Variants in SPRN observed in about 807,000 individuals in gnomAD.
SPRN encodes the protein hypothetical protein BC004409.
For synonymous variants in SPRN, 182 were observed against 123.4 expected, an observed-to-expected ratio of 1.48 and a Z score of -3.15; for missense variants, 312 against 241.4, an observed-to-expected ratio of 1.29 and a Z score of -1.94.
rs1850290412 is a variant in SPRN, at chr10:133,423,312, T to C, written c.370A>G (p.Thr124Ala). Residue 124 changes from threonine (T) to alanine (A), a missense_variant, in exon 2 of 2, where the codon ACT becomes GCT. Physicochemically the swap from Thr to Ala is moderately conservative, Grantham distance 58 (BLOSUM62 0). Transcript: ENST00000685335. ...GPGIYSYRAW[T>A]SGAGPTRGPR... ...CCGCGCGTGGGTCCAGCGCCCGAAG[T>C]CCACGCCCGGTAGCTGTAGATGCCG... 19 of 1,522,024 alleles carry C rather than the reference T, an allele frequency of 1.2e-5. No individual in the cohort carries two copies. Among genetic ancestry groups the C allele is most frequent in the Non-Finnish European group, 1.6e-5 (18 of 1,140,204 alleles). 94.3% of individuals were successfully genotyped at this position (1,522,024 alleles called of 1,614,324 possible).
At position 133,421,075 on chromosome 10, in the gene SPRN, C is replaced by T. The variant is rs1850224591; in HGVS notation, c.*2151G>A. 1 of 152,396 alleles carries T rather than the reference C, an allele frequency of 6.6e-6. No individual in the cohort carries two copies. The highest frequency in any genetic ancestry group is 2.4e-5 in the African/African-American group (1 of 41,472). The allele number at this position is 152,396 out of a possible 1,614,324, so 9.4% of individuals were successfully genotyped here. A position where few individuals can be genotyped will look rare whatever the true frequency, so the allele number is the denominator to read the frequency against. ...GCCAGGGACATCCTGTGCAGAAGCT[C>T]CGGCTGCCTCTTTGCGGTGGTGGCC... On this transcript the variant is annotated 3_prime_UTR_variant, in exon 2 of 2. Coordinates refer to ENST00000685335, the MANE Select transcript of SPRN (RefSeq NM_001391974.1).
intron 1 of SPRN, among the ~76,000 whole-genome samples, chr10:133,423,981 GGCCTC>G (rs1850312275): frequency 2.8e-5 from 1 of 36,174 alleles, no homozygotes; most frequent in African/African-American, 4.3e-5. Flanking sequence ...GGAGCGTTCA[GGCCTC>G]TGGGGGCGTC....
At position 133,423,286 on chromosome 10, in the gene SPRN, G is replaced by A. The variant is rs755711187; in HGVS notation, c.396C>T (p.Gly132=). Residue 132 remains glycine (G), a synonymous_variant, in exon 2 of 2, where the codon GGC becomes GGT. Transcript: ENST00000685335. The part of the protein sequence containing the change: ...AWTSGAGPTR[G]PRLCLVLGGA... ...CGCCCAGCACGAGACAGAGACGCGG[G>A]CCGCGCGTGGGTCCAGCGCCCGAAG... 239 of 1,517,672 alleles carry A rather than the reference G, an allele frequency of 1.6e-4. No individual in the cohort carries two copies. The highest frequency in any genetic ancestry group is 2.0e-4 in the Non-Finnish European group (226 of 1,138,214). 94.0% of individuals were successfully genotyped at this position (1,517,672 alleles called of 1,614,324 possible).
Position 133,423,422 on chromosome 10 carries a change from G to T in SPRN, c.260C>A (p.Ser87Ter). 7.3e-7 allele frequency: 1 copy of T among 1,377,496 alleles called. No homozygotes were observed. Among genetic ancestry groups the T allele is most frequent in the Non-Finnish European group, 9.4e-7 (1 of 1,063,108 alleles). 85.3% of individuals were successfully genotyped at this position (1,377,496 alleles called of 1,614,324 possible). A position where few individuals can be genotyped will look rare whatever the true frequency, so the allele number is the denominator to read the frequency against. ...AGAAAGLAAG[S>*]GWRRAAGPGE... The stretch of plus-strand genomic sequence containing the variant: ...GGGTCCCGCGGCCCTTCTCCAGCCC[G>T]AGCCCGCCGCCAGGCCCGCGGCCGC... The change falls in exon 2 of 2, where the codon TCG (serine) becomes TAG (stop). Residue 87 changes from serine to a stop codon, truncating the protein, a stop_gained. Transcript: ENST00000685335. LOFTEE classifies it low-confidence loss of function (END_TRUNC).
chr10:133,423,935 G>A (rs1850310923), intron 1 of SPRN, among the ~76,000 whole-genome samples: 1 of 152,078 alleles, frequency 6.6e-6, no homozygotes, highest in Non-Finnish European at 1.5e-5. Context: ...GCACCTGAAG[G>A]TTGTGCACCT....
Position 133,423,488 on chromosome 10 carries a change from C to G in SPRN, c.194G>C (p.Arg65Pro). The change falls in exon 2 of 2, where the codon CGC becomes CCC. Residue 65 changes from arginine (R) to proline (P), a missense_variant. Coordinates refer to ENST00000685335, the MANE Select transcript of SPRN (RefSeq NM_001391974.1). ...QRYGAPGSSLRVAAAGAAAGA... is the reference protein window; with the variant it reads ...QRYGAPGSSLPVAAAGAAAGA... ...GGCTGCCGCCCCGGCGGCAGCCACG[C>G]GCAGGGAGGAGCCCGGGGCACCGTA... is the stretch of plus-strand genomic sequence containing the variant. 1 of 1,161,954 alleles carries G rather than the reference C, an allele frequency of 8.6e-7. No individual in the cohort carries two copies. Among genetic ancestry groups the G allele is most frequent in the Non-Finnish European group, 1.1e-6 (1 of 947,234 alleles). 72.0% of individuals were successfully genotyped at this position (1,161,954 alleles called of 1,614,324 possible).
chr10:133,424,214 G>A (rs1280833196), intron 1 of SPRN, among the ~76,000 whole-genome samples: 1 of 136,262 alleles, frequency 7.3e-6, no homozygotes, highest in Admixed American at 7.3e-5. Context: ...CGGGCCTTGC[G>A]GATGCTGCGG....
At position 133,423,154 on chromosome 10, in the gene SPRN, G is replaced by T. The variant is rs2133527066; in HGVS notation, c.*72C>A. 3 of 1,331,936 alleles carry T rather than the reference G, an allele frequency of 2.3e-6. No homozygotes were observed. Among genetic ancestry groups the T allele is most frequent in the African/African-American group, 1.5e-5 (1 of 65,074 alleles). 82.5% of individuals were successfully genotyped at this position (1,331,936 alleles called of 1,614,324 possible). On this transcript the variant is annotated 3_prime_UTR_variant, in exon 2 of 2. Coordinates refer to ENST00000685335, the MANE Select transcript of SPRN (RefSeq NM_001391974.1). ...AGACCGTGGGCAAGGGAGGAAGGGG[G>T]AGCCCAGGCCGGAGGATCCTGGGGG...
chr10:133,423,409 C>T lies in SPRN; in HGVS notation c.273G>A (p.Arg91=), dbSNP rs1850294802. The change falls in exon 2 of 2, where the codon AGG becomes AGA. Residue 91 remains arginine (R), a synonymous_variant. Transcript: ENST00000685335. The part of the protein sequence containing the change: ...AGLAAGSGWR[R]AAGPGERGLE... ...GGCCGCGTTCCCCGGGTCCCGCGGC[C>T]CTTCTCCAGCCCGAGCCCGCCGCCA... The T allele has an allele frequency of 3.5e-6, 5 of 1,442,110 alleles. No homozygotes were observed. Among genetic ancestry groups the T allele is most frequent in the Non-Finnish European group, 4.6e-6 (5 of 1,097,272 alleles). The allele number at this position is 1,442,110 out of a possible 1,614,324, so 89.3% of individuals were successfully genotyped here.
rs1006744719 is a variant in SPRN at position 133,423,315 on chromosome 10, A to G, written c.367T>C (p.Trp123Arg). ...CGCGTGGGTCCAGCGCCCGAAGTCC[A>G]CGCCCGGTAGCTGTAGATGCCGGGG... ...TGPGIYSYRA[W>R]TSGAGPTRGP... The change falls in exon 2 of 2, where the codon TGG (tryptophan) becomes CGG (arginine). Residue 123 changes from tryptophan to arginine, a missense_variant. By Grantham distance (101) the Trp-to-Arg change is moderately radical. Coordinates refer to ENST00000685335, the MANE Select transcript of SPRN (RefSeq NM_001391974.1). 5.7e-5 allele frequency: 86 copies of G among 1,522,064 alleles called. No homozygotes were observed. In the African/African-American group the frequency reaches 1.1e-3, roughly 20 times the overall value. The allele number at this position is 1,522,064 out of a possible 1,614,324, so 94.3% of individuals were successfully genotyped here. A position where few individuals can be genotyped will look rare whatever the true frequency, so the allele number is the denominator to read the frequency against.
Position 133,423,107 on chromosome 10 carries a change from T to A in SPRN, c.*119A>T, listed in dbSNP as rs1222412471. On this transcript the variant is annotated 3_prime_UTR_variant, in exon 2 of 2. Transcript: ENST00000685335. Reference sequence around the variant, plus strand: ...CGGGTCCACAGGGACAGCCAGCAGCTCCTGCACCCAGTGGGGCTCCAAGAC... The same window carrying A: ...CGGGTCCACAGGGACAGCCAGCAGCACCTGCACCCAGTGGGGCTCCAAGAC... 2.8e-6 allele frequency: 3 copies of A among 1,071,820 alleles called. No homozygotes were observed. Among genetic ancestry groups the A allele is most frequent in the South Asian group, 3.4e-5 (2 of 58,152 alleles). The allele number at this position is 1,071,820 out of a possible 1,614,324, so 66.4% of individuals were successfully genotyped here. A position where few individuals can be genotyped will look rare whatever the true frequency, so the allele number is the denominator to read the frequency against.
At position 133,422,854 on chromosome 10, in the gene SPRN, C is replaced by G. The variant is rs1589923189; in HGVS notation, c.*372G>C. On this transcript the variant is annotated 3_prime_UTR_variant, in exon 2 of 2. Coordinates refer to ENST00000685335, the MANE Select transcript of SPRN (RefSeq NM_001391974.1). ...ATGTCGCCTCCCTGCCCGTGAGTCACCACGGCCCCTGGGCAGGCGAGGGGA... is the reference window on the plus strand; with the variant it reads ...ATGTCGCCTCCCTGCCCGTGAGTCAGCACGGCCCCTGGGCAGGCGAGGGGA... The G allele has an allele frequency of 5.2e-6, 1 of 191,796 alleles. No individual in the cohort carries two copies. The highest frequency in any genetic ancestry group is 1.1e-4 in the East Asian group (1 of 9,028). The allele number at this position is 191,796 out of a possible 1,614,324, so 11.9% of individuals were successfully genotyped here.
Position 133,420,757 on chromosome 10 carries a change from C to G in SPRN, c.*2469G>C, listed in dbSNP as rs943000058. 6.6e-6 allele frequency: 1 copy of G among 152,634 alleles called. No homozygotes were observed. The highest frequency in any genetic ancestry group is 1.5e-5 in the Non-Finnish European group (1 of 68,342). The allele number at this position is 152,634 out of a possible 1,614,324, so 9.5% of individuals were successfully genotyped here. ...CAGAGCCCAAGCACTGGCTTCGCCC[C>G]TCAGTGCCCTGGGGCATGTTCAGGG... On this transcript the variant is annotated 3_prime_UTR_variant, in exon 2 of 2. Coordinates refer to ENST00000685335, the MANE Select transcript of SPRN (RefSeq NM_001391974.1).
In SPRN at chr10:133,423,641, G is replaced by A; in HGVS notation, c.41C>T (p.Ala14Val). The stretch of plus-strand genomic sequence containing the variant: ...GCCGCTGTCGCAGAGGAAGGCGGCC[G>A]CCAGTAGCAGAGCCCAGCACGTTGC... ...APATCWALLL[A>V]AAFLCDSGAA... Residue 14 changes from alanine to valine, a missense_variant, in exon 2 of 2, where the codon GCG (alanine) becomes GTG (valine). Ala to Val is a moderately conservative substitution (Grantham distance 64). Coordinates refer to ENST00000685335, the MANE Select transcript of SPRN (RefSeq NM_001391974.1). 1.9e-6 allele frequency: 3 copies of A among 1,581,798 alleles called. No individual in the cohort carries two copies. Among genetic ancestry groups the A allele is most frequent in the South Asian group, 1.1e-5 (1 of 87,156 alleles).
Position 133,423,697 on chromosome 10 carries a change from C to T in SPRN, c.-16G>A, listed in dbSNP as rs566694455. The T allele has an allele frequency of 4.5e-5, 70 of 1,551,002 alleles. No individual in the cohort carries two copies. The highest frequency in any genetic ancestry group is 3.6e-4 in the Admixed American group (20 of 55,470). ...CCCAGTTCATCTTCGTGGGGCTAAA[C>T]CTGCGGGAAGAGAGGGAAAGGGCCC... On this transcript the variant is annotated splice_region_variant and 5_prime_UTR_variant, in exon 2 of 2. Coordinates refer to ENST00000685335, the MANE Select transcript of SPRN (RefSeq NM_001391974.1).
At position 133,424,490 on chromosome 10, in the gene SPRN, T is replaced by G. The variant is rs1259488033; in HGVS notation, c.-34A>C. 8.2e-6 allele frequency: 1 copy of G among 122,494 alleles called. No homozygotes were observed. The highest frequency in any genetic ancestry group is 7.7e-5 in the Admixed American group (1 of 13,046). The allele number at this position is 122,494 out of a possible 1,614,324, so 7.6% of individuals were successfully genotyped here. A position where few individuals can be genotyped will look rare whatever the true frequency, so the allele number is the denominator to read the frequency against. On this transcript the variant is annotated 5_prime_UTR_variant, in exon 1 of 2. Coordinates refer to ENST00000685335, the MANE Select transcript of SPRN (RefSeq NM_001391974.1). ...GGCCTTACCCGCCACGGGCCTCGGT[T>G]GGAACCGCGCGCTGGAGTATCCGTC... is the stretch of plus-strand genomic sequence containing the variant.
In SPRN at chr10:133,424,497, G is replaced by A. The variant is rs1268904267; in HGVS notation, c.-41C>T. 4 of 124,208 alleles carry A rather than the reference G, an allele frequency of 3.2e-5. No homozygotes were observed. The highest frequency in any genetic ancestry group is 3.1e-4 in the Admixed American group (4 of 13,096). 7.7% of individuals were successfully genotyped at this position (124,208 alleles called of 1,614,324 possible). A position where few individuals can be genotyped will look rare whatever the true frequency, so the allele number is the denominator to read the frequency against. ...CCCGCCACGGGCCTCGGTTGGAACCGCGCGCTGGAGTATCCGTCCCTGAGG... is the reference window on the plus strand; with the variant it reads ...CCCGCCACGGGCCTCGGTTGGAACCACGCGCTGGAGTATCCGTCCCTGAGG... On this transcript the variant is annotated 5_prime_UTR_variant, in exon 1 of 2. Coordinates refer to ENST00000685335, the MANE Select transcript of SPRN (RefSeq NM_001391974.1).
chr10:133,423,263 C>G lies in SPRN; in HGVS notation c.419G>C (p.Gly140Ala), dbSNP rs1850288537. The change falls in exon 2 of 2, where the codon GGC becomes GCC. Residue 140 changes from glycine (G) to alanine (A), a missense_variant. Coordinates refer to ENST00000685335, the MANE Select transcript of SPRN (RefSeq NM_001391974.1). ...CAGCCCCAGGGCTCCGAGGGCGCCG[C>G]CCAGCACGAGACAGAGACGCGGGCC... The part of the protein sequence containing the change: ...TRGPRLCLVL[G>A]GALGALGLLR... 1 of 1,497,426 alleles carries G rather than the reference C, an allele frequency of 6.7e-7. No homozygotes were observed. The highest frequency in any genetic ancestry group is 1.4e-5 in the African/African-American group (1 of 69,276). The allele number at this position is 1,497,426 out of a possible 1,614,324, so 92.8% of individuals were successfully genotyped here.
rs761514788 is a variant in SPRN at position 133,423,436 on chromosome 10, G to GCCCGCGGCCGCTCCCGCGGCCGCT, written c.245_246insAGCGGCCGCGGGAGCGGCCGCGGG (p.Ala75_Gly82dup). ...TTCTCCAGCCCGAGCCCGCCGCCAG[G>GCCCGCGGCCGCTCCCGCGGCCGCT]CCCGCGGCCGCTCCCGCCGCCGCCC... On this transcript the variant is annotated inframe_insertion, in exon 2 of 2. Coordinates refer to ENST00000685335, the MANE Select transcript of SPRN (RefSeq NM_001391974.1). 1.8e-5 allele frequency: 23 copies of GCCCGCGGCCGCTCCCGCGGCCGCT among 1,277,352 alleles called. No individual in the cohort carries two copies. The African/African-American group carries it at 3.1e-4, about 17-fold the overall frequency. The allele number at this position is 1,277,352 out of a possible 1,614,324, so 79.1% of individuals were successfully genotyped here.
Sources: gnomAD v4.1 joint callset for allele counts (sites outside exome capture counted in the v4.1 genomes callset) on GRCh38, gnomAD v4.1.1 for gene constraint, MANE v1.5 for transcripts, NCBI Gene and HGNC (gene_info 2026-07-23, HGNC 2026-07-21) for gene names.